CCDC192: variants seen among roughly 807,000 people sequenced by gnomAD.
The protein encoded by CCDC192 is coiled-coil domain containing 192.
chr5:127,845,170 G>A (rs1472351763), intron 5 of CCDC192, among the ~76,000 whole-genome samples: 2 of 152,142 alleles, frequency 1.3e-5, no homozygotes, highest in Non-Finnish European at 2.9e-5. Context: ...TTAATAAATG[G>A]CTGTTATTAG....
At chr5:127,760,202 A>C (rs1754832668) in intron 3 of CCDC192, among the ~76,000 whole-genome samples, 1 of 151,968 alleles carries the variant, frequency 6.6e-6, no homozygotes, top group Admixed American at 6.5e-5. Flanking sequence ...AAGTGATGAT[A>C]CCAGCCCTTT....
At position 127,911,274 on chromosome 5, in the gene CCDC192, A is replaced by T. The variant is rs117832046; in HGVS notation, c.536-29908A>T. The stretch of plus-strand genomic sequence containing the variant: ...AGGTAACACAGTGTCTCTAACCCCA[A>T]GGAATTTTCATGCCAGAGTGAGGAA... On this transcript the variant is annotated intron_variant, in intron 6 of 6. Coordinates refer to ENST00000514853, the MANE Select transcript of CCDC192 (RefSeq NM_001317938.2). Among the ~76,000 whole-genome samples the T allele has an allele frequency of 6.9e-4, 105 of 152,336 alleles. 2 individuals carry two copies. The East Asian group carries it at 0.019, about 27-fold the overall frequency.
At chr5:127,902,945 C>A (rs949259247) in intron 6 of CCDC192, among the ~76,000 whole-genome samples, 3 of 152,096 alleles carry the variant, frequency 2.0e-5, no homozygotes, top group African/African-American at 7.2e-5. Context: ...GTCAGGAACC[C>A]AAATTACACT....
intron 3 of CCDC192, among the ~76,000 whole-genome samples, chr5:127,767,805 G>A (rs1181336370): frequency 6.6e-6 from 1 of 152,176 alleles, no homozygotes; most frequent in South Asian, 2.1e-4. Context: ...CTTATTAAAT[G>A]ATCCTTTATT....
At chr5:127,754,800 T>C (rs1463011468) in intron 3 of CCDC192, among the ~76,000 whole-genome samples, 1 of 152,162 alleles carries the variant, frequency 6.6e-6, no homozygotes, top group Non-Finnish European at 1.5e-5. Flanking sequence ...TTTAGGAAAC[T>C]TTACTTGGAA....
intron 5 of CCDC192, among the ~76,000 whole-genome samples, chr5:127,830,568 C>G (rs1749742268): frequency 6.6e-6 from 1 of 151,944 alleles, no homozygotes; most frequent in Non-Finnish European, 1.5e-5. Context: ...TGGGTTAGGG[C>G]CCACTCTAAA....
At chr5:127,922,204 C>T (rs967826364) in intron 6 of CCDC192, among the ~76,000 whole-genome samples, 18 of 152,012 alleles carry the variant, frequency 1.2e-4, no homozygotes, top group Admixed American at 1.1e-3. Flanking sequence ...TGTGACTTTC[C>T]CTAGATTTTT....
At chr5:127,753,508 C>T (rs776612282) in intron 2 of CCDC192, among the ~76,000 whole-genome samples, 27 of 151,958 alleles carry the variant, frequency 1.8e-4, no homozygotes, top group Non-Finnish European at 3.2e-4. Context: ...CTAGCCTGGC[C>T]AACATGGGGA....
chr5:127,922,036 C>T (rs1037901303), intron 6 of CCDC192, among the ~76,000 whole-genome samples: 19 of 152,236 alleles, frequency 1.2e-4, no homozygotes, highest in East Asian at 1.2e-3. Flanking sequence ...TGGACCTCAA[C>T]GAATTGGATT....
chr5:127,732,500 C>A (rs1024905612), intron 2 of CCDC192, among the ~76,000 whole-genome samples: 1 of 152,166 alleles, frequency 6.6e-6, no homozygotes, highest in Non-Finnish European at 1.5e-5. Context: ...TAGGTATATA[C>A]CCAGAGGAAT....
chr5:127,895,428 C>A (rs1018730804), intron 6 of CCDC192, among the ~76,000 whole-genome samples: 2 of 152,176 alleles, frequency 1.3e-5, no homozygotes, highest in African/African-American at 4.8e-5. Context: ...CCAATTATGC[C>A]TTTTCCCATA....
chr5:127,918,236 G>A (rs1488261008), intron 6 of CCDC192, among the ~76,000 whole-genome samples: 47 of 119,062 alleles, frequency 3.9e-4, no homozygotes, highest in African/African-American at 2.0e-3. Context: ...AAAAAAAAAA[G>A]TAGTATCTAC....
At chr5:127,865,812 G>A (rs960507872) in intron 5 of CCDC192, among the ~76,000 whole-genome samples, 1 of 151,892 alleles carries the variant, frequency 6.6e-6, no homozygotes, top group African/African-American at 2.4e-5. Flanking sequence ...TGATCACTGG[G>A]TTATATCTAT....
At chr5:127,709,211 GAGAGAGAGAGAGAGAGAGAGAGA>G (rs1751176002) in intron 2 of CCDC192, among the ~76,000 whole-genome samples, 1 of 20,314 alleles carries the variant, frequency 4.9e-5, no homozygotes, top group East Asian at 5.2e-4. Context: ...GGGAGAGAGA[GAGAGAGAGAGAGAGAGAGAGAGA>G]GAGAGAGAGA....
At chr5:127,782,605 G>A (rs1471986516) in intron 3 of CCDC192, among the ~76,000 whole-genome samples, 1 of 152,028 alleles carries the variant, frequency 6.6e-6, no homozygotes, top group Non-Finnish European at 1.5e-5. Context: ...TGTATGTAAA[G>A]ATGTACACAA....
chr5:127,941,494 TTTA>T lies in CCDC192; in HGVS notation c.*30_*32del, dbSNP rs1184961574. On this transcript the variant is annotated 3_prime_UTR_variant, in exon 7 of 7. Transcript: ENST00000514853. ...ATTCCCAATAAGAAAACAATAAAAGTTTATTAAGTGTCATCCAGGTAAAGTCTG... is the reference window on the plus strand; with the variant it reads ...ATTCCCAATAAGAAAACAATAAAAGTTTAAGTGTCATCCAGGTAAAGTCTG... The T allele has an allele frequency of 2.5e-6, 1 of 398,872 alleles. No homozygotes were observed. The highest frequency in any genetic ancestry group is 4.4e-6 in the Non-Finnish European group (1 of 226,052). The allele number at this position is 398,872 out of a possible 1,614,324, so 24.7% of individuals were successfully genotyped here.
intron 2 of CCDC192, among the ~76,000 whole-genome samples, chr5:127,721,918 A>G (rs1356894465): frequency 2.0e-5 from 3 of 152,170 alleles, no homozygotes; most frequent in Non-Finnish European, 4.4e-5. Flanking sequence ...CATGCGAACT[A>G]CAAGGGGGAG....
At chr5:127,732,424 A>G (rs1387406800) in intron 2 of CCDC192, among the ~76,000 whole-genome samples, 1 of 152,252 alleles carries the variant, frequency 6.6e-6, no homozygotes, top group African/African-American at 2.4e-5. Flanking sequence ...CCATTGTGGA[A>G]GACAGTGTGG....
intron 5 of CCDC192, among the ~76,000 whole-genome samples, chr5:127,799,002 C>A (rs1284582742): frequency 3.9e-5 from 6 of 152,142 alleles, no homozygotes; most frequent in African/African-American, 1.4e-4. Context: ...TCTGAACAAC[C>A]CAAATGCCTT....
Sources: allele counts gnomAD v4.1 joint callset (sites outside exome capture counted in the v4.1 genomes callset), GRCh38; gene constraint gnomAD v4.1.1; transcripts MANE v1.5; gene names NCBI Gene and HGNC (gene_info 2026-07-23, HGNC 2026-07-21).